The following HPCAL1 variants were observed in gnomAD, a reference collection of about 807,000 sequenced individuals.
The protein encoded by HPCAL1 is hippocalcin like 1, also known as hippocalcin-like protein 1.
A neutral mutation model predicts 17.1 loss-of-function variants in HPCAL1; 8 were observed. The ratio of observed to expected loss-of-function variants is 0.47; its 90% CI spans 0.27 to 0.84. HPCAL1 has a LOEUF of 0.84. HPCAL1 is among the 40% of genes least tolerant of loss of function. The pLI, the probability that HPCAL1 is intolerant of heterozygous loss-of-function variation, is 0.13. For synonymous variants in HPCAL1, 112 were observed against 111.4 expected (o/e 1.01, Z -0.03); for missense variants, 165 against 271.1 (o/e 0.61, Z 2.75).
At chr2:10,372,612 C>G (rs1018177835) in intron 1 of HPCAL1, among the ~76,000 whole-genome samples, 1 of 152,238 alleles carries the variant, frequency 6.6e-6, no homozygotes, top group African/African-American at 2.4e-5. Context: ...CCTCACCCAG[C>G]TGCAGCCTTC....
At chr2:10,333,364 T>C (rs1664507938) in intron 1 of HPCAL1, among the ~76,000 whole-genome samples, 1 of 152,184 alleles carries the variant, frequency 6.6e-6, no homozygotes, top group East Asian at 1.9e-4. Context: ...GGAGCCAGCC[T>C]GGCCTCACAA....
In HPCAL1 at chr2:10,384,203, C is replaced by A. The variant is rs116012168; in HGVS notation, c.-110-12632C>A. ...GGTGGGGACAAGGTGAGGGAGGTGG[C>A]GGCCCGGCAGGAAGGTCATTTCTTT... On this transcript the variant is annotated intron_variant, in intron 1 of 4. Transcript: ENST00000307845. The surrounding 1 kb of genome is among the most constrained non-coding windows in gnomAD (Gnocchi z 4.4). Among the ~76,000 whole-genome samples the A allele has an allele frequency of 6.6e-6, 1 of 152,064 alleles. No homozygotes were observed. The highest frequency in any genetic ancestry group is 2.4e-5 in the African/African-American group (1 of 41,386).
At chr2:10,382,009 G>T (rs1219171887) in intron 1 of HPCAL1, among the ~76,000 whole-genome samples, 1 of 152,244 alleles carries the variant, frequency 6.6e-6, no homozygotes, top group Non-Finnish European at 1.5e-5. Context: ...ATTCATAACA[G>T]CTGGAACTTG....
intron 2 of HPCAL1, among the ~76,000 whole-genome samples, chr2:10,398,835 C>T (rs921198586): frequency 6.6e-6 from 1 of 152,102 alleles, no homozygotes; most frequent in Non-Finnish European, 1.5e-5. Context: ...CTCAGGGTGC[C>T]AGTTAGCGTG....
chr2:10,402,053 C>T (rs1474548863), intron 2 of HPCAL1, among the ~76,000 whole-genome samples: 1 of 152,176 alleles, frequency 6.6e-6, no homozygotes, highest in Non-Finnish European at 1.5e-5. Flanking sequence ...GCGCGCACCA[C>T]CACGCCCGGC....
intron 1 of HPCAL1, among the ~76,000 whole-genome samples, chr2:10,325,223 G>T (rs902254517): frequency 6.6e-6 from 1 of 152,132 alleles, no homozygotes; most frequent in African/African-American, 2.4e-5. Context: ...GGAGCACACT[G>T]GTGCCGTCAT....
chr2:10,362,250 C>T lies in HPCAL1; in HGVS notation c.-110-34585C>T, dbSNP rs957545939. On this transcript the variant is annotated intron_variant, in intron 1 of 4. Coordinates refer to ENST00000307845, the MANE Select transcript of HPCAL1 (RefSeq NM_002149.4). This position sits in a 1 kb window ranked among gnomAD's most constrained non-coding sequence, Gnocchi z 5.0. ...TGTGTGCCAGCCTCATGGAGGCAAA[C>T]GGAGCTTCGGAACCCAGGTGTCGAG... Among the ~76,000 whole-genome samples the T allele has an allele frequency of 6.6e-5, 10 of 151,918 alleles. No individual in the cohort carries two copies. The highest frequency in any genetic ancestry group is 1.2e-4 in the Non-Finnish European group (8 of 68,020).
rs767315921 is a variant in HPCAL1, at chr2:10,330,277, T to C, written c.-111+27100T>C. ...ATGGACAAAAGGAGAATTCCTGACT[T>C]TTTGGTGGATGTTTGCAATTCCCAG... is the stretch of plus-strand genomic sequence containing the variant. On this transcript the variant is annotated intron_variant, in intron 1 of 4. Transcript: ENST00000307845. The surrounding 1 kb of genome is among the most constrained non-coding windows in gnomAD (Gnocchi z 4.2). 2.6e-5 allele frequency: 4 copies of C among 152,056 alleles called. No individual in the cohort carries two copies. Among genetic ancestry groups the C allele is most frequent in the Non-Finnish European group, 5.9e-5 (4 of 68,020 alleles). The allele number at this position is 152,056 out of a possible 1,614,324, so 9.4% of individuals were successfully genotyped here.
chr2:10,423,092 G>A lies in HPCAL1; in HGVS notation c.484+4G>A, dbSNP rs1392885614. ...CAGATGGACACCAACAATGACGGTA[G>A]TGCGGGGTGGGGGCGGGGCTGCATG... On this transcript the variant is annotated splice_donor_region_variant and intron_variant, in intron 4 of 4. Coordinates refer to ENST00000307845, the MANE Select transcript of HPCAL1 (RefSeq NM_002149.4). 3 of 1,604,198 alleles carry A rather than the reference G, an allele frequency of 1.9e-6. No individual in the cohort carries two copies. Among genetic ancestry groups the A allele is most frequent in the South Asian group, 1.1e-5 (1 of 90,902 alleles).
At chr2:10,388,145 G>A (rs1451365913) in intron 1 of HPCAL1, among the ~76,000 whole-genome samples, 6 of 152,214 alleles carry the variant, frequency 3.9e-5, no homozygotes, top group African/African-American at 1.4e-4. Flanking sequence ...GACAGTTGGC[G>A]TGTCTCAGGG....
intron 2 of HPCAL1, among the ~76,000 whole-genome samples, chr2:10,411,066 G>A (rs1192766325): frequency 6.6e-6 from 1 of 152,172 alleles, no homozygotes; most frequent in Non-Finnish European, 1.5e-5. Flanking sequence ...CCCAGTGAGT[G>A]ACTGGGAGTG....
intron 1 of HPCAL1, among the ~76,000 whole-genome samples, chr2:10,370,183 T>C (rs777700147): frequency 1.3e-5 from 2 of 152,240 alleles, no homozygotes; most frequent in Non-Finnish European, 2.9e-5. Context: ...TTCCCTTCAG[T>C]AGTGGCTCCC....
Position 10,303,143 on chromosome 2 carries a change from G to A in HPCAL1, c.-145G>A, listed in dbSNP as rs1056315376. The A allele has an allele frequency of 6.6e-6, 1 of 151,930 alleles. No individual in the cohort carries two copies. The highest frequency in any genetic ancestry group is 2.4e-5 in the African/African-American group (1 of 41,386). 9.4% of individuals were successfully genotyped at this position (151,930 alleles called of 1,614,324 possible). A position where few individuals can be genotyped will look rare whatever the true frequency, so the allele number is the denominator to read the frequency against. On this transcript the variant is annotated 5_prime_UTR_variant, in exon 1 of 5. Coordinates refer to ENST00000307845, the MANE Select transcript of HPCAL1 (RefSeq NM_002149.4). ...CGCCGCCGGCGCCGAACTTGGGCTC[G>A]GGAAGCCGGCGGACCGCGTCCTGCG...
rs1668148729 is a variant in HPCAL1 at position 10,384,073 on chromosome 2, C to G, written c.-110-12762C>G. On this transcript the variant is annotated intron_variant, in intron 1 of 4. Transcript: ENST00000307845. This position sits in a 1 kb window ranked among gnomAD's most constrained non-coding sequence, Gnocchi z 4.4. ...TTGCTGGTGGCTCTGGATTGGTAAG[C>G]TGGCTCCATGGCAAGAATCAGCATC... 6.6e-6 allele frequency among the ~76,000 whole-genome samples: 1 copy of G among 152,078 alleles called. No homozygotes were observed. Among genetic ancestry groups the G allele is most frequent in the African/African-American group, 2.4e-5 (1 of 41,380 alleles).
At chr2:10,358,856 C>T (rs1311154246) in intron 1 of HPCAL1, among the ~76,000 whole-genome samples, 8 of 152,140 alleles carry the variant, frequency 5.3e-5, no homozygotes, top group Admixed American at 5.2e-4. Flanking sequence ...TACAGAAAGT[C>T]CTCTGTCCTT....
rs1484271912 is a variant in HPCAL1 at position 10,344,711 on chromosome 2, C to A, written c.-111+41534C>A. Among the ~76,000 whole-genome samples the A allele has an allele frequency of 6.6e-6, 1 of 152,176 alleles. No homozygotes were observed. The highest frequency in any genetic ancestry group is 1.5e-5 in the Non-Finnish European group (1 of 68,028). On this transcript the variant is annotated intron_variant, in intron 1 of 4. Coordinates refer to ENST00000307845, the MANE Select transcript of HPCAL1 (RefSeq NM_002149.4). The surrounding 1 kb of genome is among the most constrained non-coding windows in gnomAD (Gnocchi z 4.9). Reference sequence around the variant, plus strand: ...GGACTTGCTCTGTCTCTGTCTCTTTCTCTGTGTCTGTCTGTCTGTCTCTAT... The same window carrying A: ...GGACTTGCTCTGTCTCTGTCTCTTTATCTGTGTCTGTCTGTCTGTCTCTAT...
rs1014830869 is a variant in HPCAL1, at chr2:10,359,048, G to T, written c.-110-37787G>T. On this transcript the variant is annotated intron_variant, in intron 1 of 4. Coordinates refer to ENST00000307845, the MANE Select transcript of HPCAL1 (RefSeq NM_002149.4). This position sits in a 1 kb window ranked among gnomAD's most constrained non-coding sequence, Gnocchi z 4.1. ...GCTCCCCTTGAGGTTTGACCCGTCT[G>T]CATGCTCCCCTCGAGGTTTGACCCG... Among the ~76,000 whole-genome samples, 4 of 152,134 alleles carry T rather than the reference G, an allele frequency of 2.6e-5. No individual in the cohort carries two copies. Among genetic ancestry groups the T allele is most frequent in the African/African-American group, 9.7e-5 (4 of 41,408 alleles).
intron 3 of HPCAL1, 21 bp from the exon 4 acceptor site, chr2:10,422,960 AGT>A (rs760480672): frequency 6.4e-7 from 1 of 1,560,378 alleles, no homozygotes; most frequent in Non-Finnish European, 8.8e-7. Context: ...CTCTGAGCAC[AGT>A]GTCATTGCCC....
At chr2:10,371,096 G>A (rs993701093) in intron 1 of HPCAL1, among the ~76,000 whole-genome samples, 16 of 152,302 alleles carry the variant, frequency 1.1e-4, no homozygotes, top group African/African-American at 3.6e-4. Context: ...TGGGCAGGTG[G>A]GTGTTACCAG....
Sources: gnomAD v4.1 joint callset for allele counts (sites outside exome capture counted in the v4.1 genomes callset) on GRCh38, gnomAD v4.1.1 for gene constraint, Gnocchi (gnomAD v3.1) non-coding constraint, MANE v1.5 for transcripts, NCBI Gene and HGNC (gene_info 2026-07-23, HGNC 2026-07-21) for gene names.